PAX3: variants seen among roughly 807,000 people sequenced by gnomAD.
PAX3 encodes the protein paired box protein Pax-3.
Under a neutral mutation model 51.6 loss-of-function variants are expected in PAX3, and 14 were observed. The ratio of observed to expected loss-of-function variants is 0.27; its 90% CI spans 0.18 to 0.42. PAX3 has a LOEUF of 0.42. Among genes scored for constraint, PAX3 ranks in the 10% least tolerant of loss-of-function variants. PAX3 has a pLI of 1.00. For synonymous variants in PAX3, 280 were observed against 253.4 expected (o/e 1.11, Z -1.00); for missense variants, 540 against 642.8 (o/e 0.84, Z 1.73).
At chr2:222,275,864 G>A (rs1694401659) in intron 4 of PAX3, among the ~76,000 whole-genome samples, 1 of 152,174 alleles carries the variant, frequency 6.6e-6, no homozygotes, top group African/African-American at 2.4e-5. Context: ...ATTCAAATAA[G>A]ATTTTTAAAT....
At chr2:222,298,472 G>A (rs1695425700) in intron 1 of PAX3, 59 bp downstream of exon 1, 1 of 1,408,636 alleles carries the variant, frequency 7.1e-7, no homozygotes, top group Non-Finnish European at 9.8e-7. Flanking sequence ...CTGGGGATGG[G>A]GTGAGGCAGC....
chr2:222,209,911 A>G (rs1431009549), intron 7 of PAX3, among the ~76,000 whole-genome samples: 1 of 151,858 alleles, frequency 6.6e-6, no homozygotes, highest in African/African-American at 2.4e-5. Flanking sequence ...AAATTTAATC[A>G]AATTAATGGA....
chr2:222,281,235 T>C (rs566145911), intron 4 of PAX3, among the ~76,000 whole-genome samples: 1 of 152,348 alleles, frequency 6.6e-6, no homozygotes, highest in East Asian at 1.9e-4. Context: ...CAGCTTTCTT[T>C]AGAAATGGTC....
intron 4 of PAX3, among the ~76,000 whole-genome samples, chr2:222,284,520 A>G (rs1399264636): frequency 6.6e-6 from 1 of 152,228 alleles, no homozygotes; most frequent in Non-Finnish European, 1.5e-5. Context: ...TACCCATTAA[A>G]TCGAAGTTTT....
At chr2:222,280,818 G>A (rs1694621151) in intron 4 of PAX3, among the ~76,000 whole-genome samples, 1 of 152,176 alleles carries the variant, frequency 6.6e-6, no homozygotes, top group Non-Finnish European at 1.5e-5. Flanking sequence ...CCTGTATAAT[G>A]GGGACTTGCC....
At chr2:222,222,235 T>C (rs1249777121) in intron 5 of PAX3, among the ~76,000 whole-genome samples, 1 of 152,112 alleles carries the variant, frequency 6.6e-6, no homozygotes, top group East Asian at 1.9e-4. Flanking sequence ...GAAATTGTGA[T>C]ATAAGGCCTT....
intron 5 of PAX3, 41 bp downstream of exon 5, chr2:222,232,037 G>C: frequency 6.4e-7 from 1 of 1,571,782 alleles, no homozygotes; most frequent in Non-Finnish European, 8.8e-7. Context: ...TTTGTTTCCT[G>C]TCTGGACTGA....
Position 222,295,731 on chromosome 2 carries a change from G to C in PAX3, c.322-74C>G. 5 of 1,552,532 alleles carry C rather than the reference G, an allele frequency of 3.2e-6. No individual in the cohort carries two copies. In the South Asian group the frequency reaches 3.3e-5, roughly 10 times the overall value. ...GGTGGCGGCGGCCCCACCGCCTCTGGGCCTGTCGGGATGCTCCTCGCTGAA... is the reference window on the plus strand; with the variant it reads ...GGTGGCGGCGGCCCCACCGCCTCTGCGCCTGTCGGGATGCTCCTCGCTGAA... On this transcript the variant is annotated intron_variant, in intron 2 of 8. Coordinates refer to ENST00000392070, the MANE Select transcript of PAX3 (RefSeq NM_181458.4).
intron 4 of PAX3, among the ~76,000 whole-genome samples, chr2:222,242,030 T>A (rs1693035154): frequency 6.6e-6 from 1 of 152,234 alleles, no homozygotes; most frequent in African/African-American, 2.4e-5. Context: ...ATAAGCAGAT[T>A]AAAGTCATTG....
At chr2:222,241,170 A>C (rs1693001087) in intron 4 of PAX3, among the ~76,000 whole-genome samples, 1 of 152,172 alleles carries the variant, frequency 6.6e-6, no homozygotes, top group South Asian at 2.1e-4. Flanking sequence ...GCAGAAAGGT[A>C]ATTTGCACAC....
At position 222,259,509 on chromosome 2, in the gene PAX3, A is replaced by G. The variant is rs925631161; in HGVS notation, c.587-27226T>C. Among the ~76,000 whole-genome samples, 5 of 152,350 alleles carry G rather than the reference A, an allele frequency of 3.3e-5. No individual in the cohort carries two copies. In the East Asian group the frequency reaches 9.6e-4, roughly 29 times the overall value. On this transcript the variant is annotated intron_variant, in intron 4 of 8. Coordinates refer to ENST00000392070, the MANE Select transcript of PAX3 (RefSeq NM_181458.4). ...ACATCTATTAAGAACATCAAAATCA[A>G]AGGGGTTTATAACTAAGCAGAGAAG... is the stretch of plus-strand genomic sequence containing the variant.
At chr2:222,297,320 A>G (rs1695358014) in intron 1 of PAX3, 107 bp from the exon 2 acceptor site, 5 of 827,600 alleles carry the variant, frequency 6.0e-6, no homozygotes, top group Admixed American at 6.0e-5. Context: ...TCCTCATGTT[A>G]CAGCACCGAC....
At chr2:222,227,067 TA>T (rs921729103) in intron 5 of PAX3, among the ~76,000 whole-genome samples, 5 of 152,014 alleles carry the variant, frequency 3.3e-5, no homozygotes, top group South Asian at 2.1e-4. Flanking sequence ...TTTTTTAAAT[TA>T]AAAAAATTAA....
At chr2:222,297,307 C>T (rs1695356949) in intron 1 of PAX3, 94 bp from the exon 2 acceptor site, 4 of 912,550 alleles carry the variant, frequency 4.4e-6, no homozygotes, top group Non-Finnish European at 7.0e-6. Context: ...GTCTTCTGTC[C>T]TATCCTCATG....
At chr2:222,221,438 A>G in intron 5 of PAX3, 51 bp from the exon 6 acceptor site, 1 of 1,508,798 alleles carries the variant, frequency 6.6e-7, no homozygotes. Context: ...ATAATAGTAC[A>G]TTCTTAATGA....
chr2:222,252,606 T>C (rs1693479305), intron 4 of PAX3, among the ~76,000 whole-genome samples: 1 of 152,138 alleles, frequency 6.6e-6, no homozygotes, highest in Non-Finnish European at 1.5e-5. Flanking sequence ...ATCCACAGCA[T>C]AATGCAAGTC....
chr2:222,213,351 C>T (rs542716666), intron 7 of PAX3, among the ~76,000 whole-genome samples: 1 of 152,114 alleles, frequency 6.6e-6, no homozygotes, highest in East Asian at 1.9e-4. Context: ...CTCATTGATT[C>T]AACAAATGGA....
intron 7 of PAX3, among the ~76,000 whole-genome samples, chr2:222,209,912 A>C (rs1460811731): frequency 6.6e-6 from 1 of 151,782 alleles, no homozygotes; most frequent in African/African-American, 2.4e-5. Flanking sequence ...AATTTAATCA[A>C]ATTAATGGAA....
At chr2:222,249,461 T>C (rs1693344073) in intron 4 of PAX3, among the ~76,000 whole-genome samples, 1 of 152,184 alleles carries the variant, frequency 6.6e-6, no homozygotes, top group South Asian at 2.1e-4. Context: ...GAGTCCTACA[T>C]ATTTGTCAAC....
Sources: gnomAD v4.1 joint callset for allele counts (sites outside exome capture counted in the v4.1 genomes callset) on GRCh38, gnomAD v4.1.1 for gene constraint, MANE v1.5 for transcripts, NCBI Gene and HGNC (gene_info 2026-07-23, HGNC 2026-07-21) for gene names.